The following ATRNL1 variants were observed in gnomAD, a reference collection of about 807,000 sequenced individuals.
The protein encoded by ATRNL1 is attractin-like protein 1.
Under a neutral mutation model 182.7 loss-of-function variants are expected in ATRNL1, and 95 were observed. The ratio of observed to expected loss-of-function variants is 0.52; its 90% confidence interval spans 0.44 to 0.62. The LOEUF (loss-of-function observed/expected upper bound fraction) is 0.62, where lower values mean the gene tolerates loss of function less well. Among genes scored for constraint, ATRNL1 ranks in the 20% least tolerant of loss-of-function variants. The probability of loss-of-function intolerance (pLI) is 0.00; values close to 1 mark genes in which losing one functional copy is unlikely to be tolerated. For missense variants in ATRNL1, 1,471 were observed against 1,679.5 expected, an observed-to-expected ratio of 0.88 and a Z score of 2.17; for synonymous variants, 576 against 568.3, an observed-to-expected ratio of 1.01 and a Z score of -0.19.
intron 26 of ATRNL1, among the ~76,000 whole-genome samples, chr10:115,715,662 A>G (rs1193337315): frequency 1.3e-5 from 2 of 152,236 alleles, no homozygotes; most frequent in Non-Finnish European, 2.9e-5. Context: ...TCTGCACTCA[A>G]TAAAAAAACA....
At chr10:115,734,543 T>A (rs1947893294) in intron 27 of ATRNL1, among the ~76,000 whole-genome samples, 2 of 152,090 alleles carry the variant, frequency 1.3e-5, no homozygotes, top group African/African-American at 4.8e-5. Context: ...TGAGAAATAT[T>A]GTATTAATTC....
intron 24 of ATRNL1, among the ~76,000 whole-genome samples, chr10:115,495,503 TTCTGGTG>T (rs1200969336): frequency 1.3e-5 from 2 of 152,190 alleles, no homozygotes; most frequent in Admixed American, 6.6e-5. Flanking sequence ...GCTCCAGAGA[TTCTGGTG>T]TTTTGCATCT....
chr10:115,578,172 T>C (rs1555006000), intron 26 of ATRNL1, among the ~76,000 whole-genome samples: 1 of 151,854 alleles, frequency 6.6e-6, no homozygotes, highest in African/African-American at 2.4e-5. Flanking sequence ...TTGTTGAAGA[T>C]GTTTGCATGT....
chr10:115,116,828 T>C (rs187236518), intron 1 of ATRNL1, among the ~76,000 whole-genome samples: 1 of 152,036 alleles, frequency 6.6e-6, no homozygotes, highest in African/African-American at 2.4e-5. Context: ...TGGTAAGATC[T>C]TTAGTGCTAA....
intron 10 of ATRNL1, among the ~76,000 whole-genome samples, chr10:115,261,060 C>T (rs1462896731): frequency 6.6e-6 from 1 of 151,828 alleles, no homozygotes; most frequent in Non-Finnish European, 1.5e-5. Context: ...CAGCAAAGCT[C>T]ATTACAAAAA....
intron 26 of ATRNL1, among the ~76,000 whole-genome samples, chr10:115,559,675 G>T (rs1277130260): frequency 6.6e-6 from 1 of 152,150 alleles, no homozygotes; most frequent in Non-Finnish European, 1.5e-5. Flanking sequence ...TAGATATAGA[G>T]AAAGCATTTG....
At chr10:115,236,855 T>C (rs1332439894) in intron 9 of ATRNL1, among the ~76,000 whole-genome samples, 5 of 152,204 alleles carry the variant, frequency 3.3e-5, no homozygotes, top group Non-Finnish European at 7.3e-5. Flanking sequence ...GATCATTTCA[T>C]ACAGAATATT....
chr10:115,651,566 T>A (rs1593010771), intron 26 of ATRNL1, among the ~76,000 whole-genome samples: 1 of 152,136 alleles, frequency 6.6e-6, no homozygotes, highest in East Asian at 1.9e-4. Context: ...TCCTACTTCA[T>A]GTTTGTTTAG....
chr10:115,807,165 T>C (rs1483315416), intron 27 of ATRNL1, among the ~76,000 whole-genome samples: 1 of 150,834 alleles, frequency 6.6e-6, no homozygotes, highest in Non-Finnish European at 1.5e-5. Flanking sequence ...TGGAGTGCAG[T>C]GGTGTAGTGG....
chr10:115,821,001 C>G (rs782692548), intron 27 of ATRNL1, among the ~76,000 whole-genome samples: 2 of 152,010 alleles, frequency 1.3e-5, no homozygotes, highest in Non-Finnish European at 2.9e-5. Flanking sequence ...GTAAGGGGCT[C>G]TTTCCCCTTT....
intron 8 of ATRNL1, among the ~76,000 whole-genome samples, chr10:115,197,944 A>G (rs1273832282): frequency 6.6e-6 from 1 of 152,182 alleles, no homozygotes; most frequent in African/African-American, 2.4e-5. Flanking sequence ...GGTTGATTCC[A>G]TATCTTGGCT....
intron 10 of ATRNL1, among the ~76,000 whole-genome samples, chr10:115,253,365 G>T (rs1271391544): frequency 6.6e-6 from 1 of 152,158 alleles, no homozygotes; most frequent in Non-Finnish European, 1.5e-5. Context: ...TAGGAAGGGT[G>T]TGCCCTTGAG....
At chr10:115,926,535 G>A (rs1257638095) in intron 28 of ATRNL1, among the ~76,000 whole-genome samples, 1 of 151,912 alleles carries the variant, frequency 6.6e-6, no homozygotes, top group Non-Finnish European at 1.5e-5. Context: ...AACAAGAAAA[G>A]AGAGAAGAAT....
At chr10:115,123,989 G>T (rs1179415160) in intron 3 of ATRNL1, among the ~76,000 whole-genome samples, 1 of 151,810 alleles carries the variant, frequency 6.6e-6, no homozygotes, top group African/African-American at 2.4e-5. Flanking sequence ...GGCTTCCACT[G>T]ATTCTACATT....
intron 28 of ATRNL1, among the ~76,000 whole-genome samples, chr10:115,919,387 T>C (rs1167951771): frequency 2.0e-5 from 3 of 152,182 alleles, no homozygotes; most frequent in Non-Finnish European, 4.4e-5. Flanking sequence ...GAATGTTTTC[T>C]AATACAGCTC....
chr10:115,380,920 G>A (rs1857960818), intron 19 of ATRNL1, among the ~76,000 whole-genome samples: 1 of 152,018 alleles, frequency 6.6e-6, no homozygotes, highest in African/African-American at 2.4e-5. Context: ...AGATTTGCTG[G>A]GTTATATGTA....
At chr10:115,739,535 C>T (rs1042488952) in intron 27 of ATRNL1, among the ~76,000 whole-genome samples, 3 of 152,196 alleles carry the variant, frequency 2.0e-5, no homozygotes, top group Non-Finnish European at 2.9e-5. Context: ...TCTCCTGCAC[C>T]CAAGAACATT....
At chr10:115,480,891 A>G (rs116579060) in intron 24 of ATRNL1, among the ~76,000 whole-genome samples, 2 of 151,064 alleles carry the variant, frequency 1.3e-5, no homozygotes, top group Non-Finnish European at 3.0e-5. Context: ...AATTGTTTGA[A>G]TTAGGTGAGA....
At chr10:115,547,261 A>AT (rs1417204395) in intron 25 of ATRNL1, among the ~76,000 whole-genome samples, 3,910 of 138,252 alleles carry the variant, frequency 0.028, 66 homozygotes, top group Non-Finnish European at 0.038. Context: ...TCTCAAAAAA[A>AT]AAATATATAT....
Sources: gnomAD v4.1 joint callset for allele counts (sites outside exome capture counted in the v4.1 genomes callset) on GRCh38, gnomAD v4.1.1 for gene constraint, MANE v1.5 for transcripts, NCBI Gene and HGNC (gene_info 2026-07-23, HGNC 2026-07-21) for gene names.